The following RSRC1 variants were observed in gnomAD, a reference collection of about 807,000 sequenced individuals.
RSRC1 encodes serine/Arginine-related protein 53.
In RSRC1, 39 loss-of-function variants were observed where a neutral mutation model predicts 49.1. The ratio of observed to expected loss-of-function variants is 0.79; its 90% CI spans 0.61 to 1.04. The LOEUF (loss-of-function observed/expected upper bound fraction) is 1.04, where lower values mean the gene tolerates loss of function less well. RSRC1 is among the 50% of genes least tolerant of loss of function. The probability of loss-of-function intolerance (pLI) is 0.00; values close to 1 mark genes in which losing one functional copy is unlikely to be tolerated. For missense variants in RSRC1, 388 were observed against 402.4 expected (o/e 0.96, Z 0.31); for synonymous variants, 143 against 130.8 (o/e 1.09, Z -0.63).
intron 3 of RSRC1, among the ~76,000 whole-genome samples, chr3:158,179,334 A>G (rs1333803677): frequency 6.6e-6 from 1 of 152,238 alleles, no homozygotes; most frequent in Admixed American, 6.5e-5. Context: ...TACAGCTAAG[A>G]TAGAGAGTAT....
At chr3:158,484,039 C>G (rs2108439438) in intron 7 of RSRC1, among the ~76,000 whole-genome samples, 1 of 152,186 alleles carries the variant, frequency 6.6e-6, no homozygotes, top group South Asian at 2.1e-4. Flanking sequence ...CAGTGATAAG[C>G]CAAGCAATTA....
At chr3:158,452,970 C>G (rs771282169) in intron 6 of RSRC1, among the ~76,000 whole-genome samples, 2 of 152,060 alleles carry the variant, frequency 1.3e-5, no homozygotes, top group African/African-American at 2.4e-5. Flanking sequence ...CATACACTTA[C>G]GTACTTTGGT....
At chr3:158,160,506 T>A (rs1003316956) in intron 3 of RSRC1, among the ~76,000 whole-genome samples, 17 of 152,274 alleles carry the variant, frequency 1.1e-4, no homozygotes, top group Middle Eastern at 3.4e-3. Context: ...ACAAGCAGAA[T>A]TCTGTTTTTC....
chr3:158,157,607 C>G (rs149680057), intron 3 of RSRC1, among the ~76,000 whole-genome samples: 6 of 152,266 alleles, frequency 3.9e-5, no homozygotes, highest in African/African-American at 1.2e-4. Flanking sequence ...GTCATAACTG[C>G]TCTGTAGATT....
intron 7 of RSRC1, among the ~76,000 whole-genome samples, chr3:158,528,075 T>A (rs142167280): frequency 6.6e-6 from 1 of 151,812 alleles, no homozygotes; most frequent in Non-Finnish European, 1.5e-5. Flanking sequence ...AAAACAGGCA[T>A]AGTCAGTCAT....
At chr3:158,144,227 T>C (rs2108200865) in intron 3 of RSRC1, among the ~76,000 whole-genome samples, 1 of 152,322 alleles carries the variant, frequency 6.6e-6, no homozygotes, top group Middle Eastern at 3.4e-3. Flanking sequence ...GTTGGTGTGC[T>C]GCACCCATTA....
chr3:158,174,306 C>G (rs950436084), intron 3 of RSRC1, among the ~76,000 whole-genome samples: 1 of 151,746 alleles, frequency 6.6e-6, no homozygotes, highest in African/African-American at 2.4e-5. Context: ...TCTAGAGAGA[C>G]AAATCCCAAA....
At chr3:158,320,157 T>G (rs1728682721) in intron 5 of RSRC1, among the ~76,000 whole-genome samples, 2 of 152,316 alleles carry the variant, frequency 1.3e-5, no homozygotes, top group Admixed American at 6.5e-5. Context: ...CTAAGAGGTA[T>G]TGCTCACTCA....
chr3:158,480,071 A>G (rs1163397732), intron 7 of RSRC1, among the ~76,000 whole-genome samples: 1 of 152,046 alleles, frequency 6.6e-6, no homozygotes, highest in Non-Finnish European at 1.5e-5. Flanking sequence ...CCCACAGCAT[A>G]GAAAACTACA....
At chr3:158,524,994 AT>A (rs1487765521) in intron 7 of RSRC1, among the ~76,000 whole-genome samples, 2 of 152,054 alleles carry the variant, frequency 1.3e-5, no homozygotes, top group Non-Finnish European at 2.9e-5. Flanking sequence ...CTAGAAGAAA[AT>A]TTTTGCAGCC....
intron 3 of RSRC1, among the ~76,000 whole-genome samples, chr3:158,126,266 T>C (rs1416541908): frequency 6.6e-6 from 1 of 152,126 alleles, no homozygotes; most frequent in African/African-American, 2.4e-5. Context: ...TGTTGATTGT[T>C]TTCTGCCTTA....
intron 3 of RSRC1, among the ~76,000 whole-genome samples, chr3:158,192,175 G>C (rs1720286294): frequency 6.6e-6 from 1 of 152,042 alleles, no homozygotes; most frequent in Admixed American, 6.6e-5. Context: ...ATAGAGGGCA[G>C]GGGGAAGGTC....
At chr3:158,374,452 A>G (rs190464507) in intron 6 of RSRC1, among the ~76,000 whole-genome samples, 1 of 152,288 alleles carries the variant, frequency 6.6e-6, no homozygotes, top group East Asian at 1.9e-4. Context: ...ATTGGAAAGG[A>G]AAATTCATCC....
intron 4 of RSRC1, among the ~76,000 whole-genome samples, chr3:158,213,357 AAG>A (rs1431487523): frequency 6.6e-6 from 1 of 151,920 alleles, no homozygotes; most frequent in East Asian, 1.9e-4. Context: ...AAGGCAATGA[AAG>A]TATATAATAA....
chr3:158,427,826 G>T (rs1288167607), intron 6 of RSRC1, among the ~76,000 whole-genome samples: 1 of 151,412 alleles, frequency 6.6e-6, no homozygotes, highest in African/African-American at 2.4e-5. Context: ...ATTTGTCCAG[G>T]CAGTATAACA....
At chr3:158,402,678 A>T (rs1733953846) in intron 6 of RSRC1, among the ~76,000 whole-genome samples, 1 of 151,858 alleles carries the variant, frequency 6.6e-6, no homozygotes, top group Non-Finnish European at 1.5e-5. Context: ...ATTAATAAAC[A>T]TTAATATAAG....
intron 3 of RSRC1, among the ~76,000 whole-genome samples, chr3:158,151,468 A>G (rs1205816486): frequency 2.0e-5 from 3 of 152,272 alleles, no homozygotes; most frequent in African/African-American, 7.2e-5. Context: ...AAGCTTTTGT[A>G]GTGTTCATGA....
intron 5 of RSRC1, among the ~76,000 whole-genome samples, chr3:158,311,877 T>A (rs1419083877): frequency 1.3e-5 from 2 of 151,948 alleles, no homozygotes; most frequent in Admixed American, 1.3e-4. Context: ...CCAAAAAAAA[T>A]AAAAATATGA....
intron 4 of RSRC1, among the ~76,000 whole-genome samples, chr3:158,252,717 G>A (rs1383683652): frequency 6.6e-6 from 1 of 152,132 alleles, no homozygotes; most frequent in East Asian, 1.9e-4. Flanking sequence ...TGAGTCATGG[G>A]CTTTTCTTTA....
Sources: allele counts gnomAD v4.1 joint callset (sites outside exome capture counted in the v4.1 genomes callset), GRCh38; gene constraint gnomAD v4.1.1; transcripts MANE v1.5; gene names NCBI Gene and HGNC (gene_info 2026-07-23, HGNC 2026-07-21).